Variants in SFMBT2 observed in about 807,000 individuals in gnomAD.
SFMBT2 encodes Scm like with four mbt domains 2.
SFMBT2 carries 38 observed loss-of-function variants against 110.1 expected under a neutral mutation model. That is an observed-to-expected ratio of 0.35 (90% CI 0.27 to 0.45). The LOEUF is 0.45. Ranked by LOEUF, SFMBT2 falls within the 20% of genes least tolerant of loss-of-function variation. The probability of loss-of-function intolerance (pLI) is 1.00; values close to 1 mark genes in which losing one functional copy is unlikely to be tolerated. For missense variants in SFMBT2, 1,011 were observed against 1,094.9 expected (o/e 0.92, Z 1.08); for synonymous variants, 425 against 425.4 (o/e 1.00, Z 0.01).
At chr10:7,199,882 T>C (rs962819457) in intron 14 of SFMBT2, among the ~76,000 whole-genome samples, 5 of 152,194 alleles carry the variant, frequency 3.3e-5, no homozygotes, top group Admixed American at 2.0e-4. Context: ...CCAGACTTGA[T>C]GGTCAGAGGG....
chr10:7,399,822 G>C (rs1846024639), intron 1 of SFMBT2, among the ~76,000 whole-genome samples: 1 of 152,164 alleles, frequency 6.6e-6, no homozygotes, highest in South Asian at 2.1e-4. Flanking sequence ...TCCCACTCAA[G>C]CATGTCAGGG....
intron 4 of SFMBT2, among the ~76,000 whole-genome samples, chr10:7,313,484 G>GT (rs987397153): frequency 6.6e-6 from 1 of 152,178 alleles, no homozygotes; most frequent in African/African-American, 2.4e-5. Context: ...ATCTTCGATA[G>GT]TTTTTGTGTT....
chr10:7,373,874 G>A (rs537182668), intron 2 of SFMBT2, among the ~76,000 whole-genome samples: 12 of 152,328 alleles, frequency 7.9e-5, no homozygotes, highest in East Asian at 1.9e-4. Context: ...GTCCTGGGCC[G>A]AAGGAGGCAC....
intron 4 of SFMBT2, among the ~76,000 whole-genome samples, chr10:7,354,190 G>A (rs1448829522): frequency 6.6e-6 from 1 of 151,942 alleles, no homozygotes; most frequent in African/African-American, 2.4e-5. Flanking sequence ...TATCCCAACA[G>A]TCTCGTATTG....
chr10:7,405,152 G>T (rs1846179768), intron 1 of SFMBT2, among the ~76,000 whole-genome samples: 1 of 152,206 alleles, frequency 6.6e-6, no homozygotes, highest in Non-Finnish European at 1.5e-5. Context: ...TTGAACTTCA[G>T]AGTGGATGCT....
At chr10:7,310,916 G>A (rs578199678) in intron 4 of SFMBT2, among the ~76,000 whole-genome samples, 77 of 151,912 alleles carry the variant, frequency 5.1e-4, no homozygotes, top group Non-Finnish European at 9.6e-4. Context: ...GCATGGTGGC[G>A]GACGCCTGTA....
At chr10:7,324,732 G>C (rs1215045995) in intron 4 of SFMBT2, among the ~76,000 whole-genome samples, 1 of 152,178 alleles carries the variant, frequency 6.6e-6, no homozygotes. Flanking sequence ...CCCAGATCAA[G>C]GGGGCAGCAT....
chr10:7,312,494 G>A (rs1842887004), intron 4 of SFMBT2, among the ~76,000 whole-genome samples: 1 of 152,112 alleles, frequency 6.6e-6, no homozygotes, highest in Non-Finnish European at 1.5e-5. Context: ...TAAAATAGAG[G>A]AAAAGAGAAT....
intron 4 of SFMBT2, among the ~76,000 whole-genome samples, chr10:7,362,941 A>G (rs1032430035): frequency 6.6e-6 from 1 of 152,220 alleles, no homozygotes; most frequent in Non-Finnish European, 1.5e-5. Flanking sequence ...CGTGCATTAT[A>G]TAGGAAAACT....
intron 7 of SFMBT2, among the ~76,000 whole-genome samples, chr10:7,272,484 C>G (rs185129479): frequency 6.6e-6 from 1 of 152,178 alleles, no homozygotes; most frequent in African/African-American, 2.4e-5. Flanking sequence ...TTGACAGGAG[C>G]TTAAGATATA....
chr10:7,217,498 T>C (rs1839579206), intron 11 of SFMBT2, among the ~76,000 whole-genome samples: 1 of 152,172 alleles, frequency 6.6e-6, no homozygotes. Context: ...TGTATATATT[T>C]AGCCAGGTGT....
Position 7,159,519 on chromosome 10 carries a change from A to G in SFMBT2, c.*4251T>C, listed in dbSNP as rs773393772. The stretch of plus-strand genomic sequence containing the variant: ...ATTGAATTATAATAGTTGCCAATAC[A>G]GATTTCCTTTGCTATTTAATTATTG... On this transcript the variant is annotated 3_prime_UTR_variant, in exon 21 of 21. Transcript: ENST00000397167. 4.6e-5 allele frequency: 7 copies of G among 152,214 alleles called. No individual in the cohort carries two copies. Among genetic ancestry groups the G allele is most frequent in the Non-Finnish European group, 1.0e-4 (7 of 68,044 alleles). The allele number at this position is 152,214 out of a possible 1,614,324, so 9.4% of individuals were successfully genotyped here. A position where few individuals can be genotyped will look rare whatever the true frequency, so the allele number is the denominator to read the frequency against.
At position 7,248,510 on chromosome 10, in the gene SFMBT2, C is replaced by T. The variant is rs978071521; in HGVS notation, c.972+38G>A. On this transcript the variant is annotated intron_variant, in intron 8 of 20. Coordinates refer to ENST00000397167, the MANE Select transcript of SFMBT2 (RefSeq NM_001387889.1). ...GTTGAAAGGCTTAATTTGATCCACT[C>T]TAGGGGCTGGGTCGAAGAGCGAGGG... The T allele has an allele frequency of 1.9e-6, 3 of 1,558,722 alleles. No individual in the cohort carries two copies. In the African/African-American group the frequency reaches 4.1e-5, roughly 21 times the overall value.
rs1588778689 is a variant in SFMBT2, at chr10:7,186,443, C to T, written c.1808+2181G>A. ...CTATATATACACACACACACACACA[C>T]ACACACACACACACACATATATATA... On this transcript the variant is annotated intron_variant, in intron 16 of 20. Coordinates refer to ENST00000397167, the MANE Select transcript of SFMBT2 (RefSeq NM_001387889.1). 2.2e-5 allele frequency among the ~76,000 whole-genome samples: 3 copies of T among 139,508 alleles called. No individual in the cohort carries two copies. In the South Asian group the frequency reaches 6.5e-4, roughly 30 times the overall value. The allele number at this position is 139,508 out of a possible 152,430, so 91.5% of individuals were successfully genotyped here.
rs141846013 is a variant in SFMBT2 at position 7,260,784 on chromosome 10, A to G, written c.871-12135T>C. Reference sequence around the variant, plus strand: ...AAAAAATCATCCTGGCCAAAATCCCAGGAGAGCCCTCGTCAAAAGCAACTG... The same window carrying G: ...AAAAAATCATCCTGGCCAAAATCCCGGGAGAGCCCTCGTCAAAAGCAACTG... On this transcript the variant is annotated intron_variant, in intron 7 of 20. Transcript: ENST00000397167. Among the ~76,000 whole-genome samples the G allele has an allele frequency of 9.1e-3, 1,379 of 152,296 alleles. 9 individuals carry two copies. The highest frequency in any genetic ancestry group is 0.015 in the Non-Finnish European group (1,002 of 68,020).
intron 1 of SFMBT2, among the ~76,000 whole-genome samples, chr10:7,385,515 G>T (rs947587737): frequency 1.3e-5 from 2 of 152,170 alleles, no homozygotes; most frequent in African/African-American, 2.4e-5. Context: ...GAAAAAGGGA[G>T]GAGACAATGC....
intron 1 of SFMBT2, among the ~76,000 whole-genome samples, chr10:7,405,671 T>C (rs1331581950): frequency 6.6e-6 from 1 of 152,162 alleles, no homozygotes; most frequent in Admixed American, 6.5e-5. Flanking sequence ...AGATGTATTT[T>C]TCCCAGATAG....
At chr10:7,248,462 A>G in intron 8 of SFMBT2, 86 bp downstream of exon 8, 2 of 1,131,960 alleles carry the variant, frequency 1.8e-6, no homozygotes, top group Non-Finnish European at 2.6e-6. Context: ...TTGCACGAAC[A>G]TATGTCATCT....
intron 16 of SFMBT2, among the ~76,000 whole-genome samples, chr10:7,185,367 A>C (rs1366939009): frequency 2.0e-5 from 3 of 152,244 alleles, no homozygotes; most frequent in African/African-American, 7.2e-5. Flanking sequence ...TCTCTCAGTT[A>C]GGGAATCCTT....
Sources: allele counts gnomAD v4.1 joint callset (sites outside exome capture counted in the v4.1 genomes callset), GRCh38; gene constraint gnomAD v4.1.1; transcripts MANE v1.5; gene names NCBI Gene and HGNC (gene_info 2026-07-23, HGNC 2026-07-21).